The following PDZRN4 variants were observed in gnomAD, a reference collection of about 807,000 sequenced individuals.
PDZRN4 encodes PDZ domain-containing RING finger protein 4.
Under a neutral mutation model 99.0 loss-of-function variants are expected in PDZRN4, and 70 were observed. The ratio of observed to expected loss-of-function variants is 0.71; its 90% CI spans 0.58 to 0.86. The LOEUF is 0.86. Ranked by LOEUF, PDZRN4 falls within the 40% of genes least tolerant of loss-of-function variation. The pLI, the probability that PDZRN4 is intolerant of heterozygous loss-of-function variation, is 0.00. For synonymous variants in PDZRN4, 551 were observed against 501.6 expected (o/e 1.10, Z -1.32); for missense variants, 1,474 against 1,331.2 (o/e 1.11, Z -1.67).
At chr12:41,449,569 C>A (rs1952758210) in intron 3 of PDZRN4, among the ~76,000 whole-genome samples, 1 of 152,100 alleles carries the variant, frequency 6.6e-6, no homozygotes, top group Non-Finnish European at 1.5e-5. Context: ...ACGCAAATAA[C>A]TATGATGCAA....
At chr12:41,493,200 T>C (rs1937923478) in intron 3 of PDZRN4, among the ~76,000 whole-genome samples, 1 of 152,218 alleles carries the variant, frequency 6.6e-6, no homozygotes, top group African/African-American at 2.4e-5. Flanking sequence ...GTATGCCATG[T>C]AATTAATCTT....
At chr12:41,499,056 T>C (rs927567687) in intron 3 of PDZRN4, among the ~76,000 whole-genome samples, 2 of 151,886 alleles carry the variant, frequency 1.3e-5, no homozygotes, top group Non-Finnish European at 2.9e-5. Flanking sequence ...ATAAAGAACC[T>C]AGGGAATAGC....
intron 5 of PDZRN4, among the ~76,000 whole-genome samples, chr12:41,540,301 CA>C (rs1334588125): frequency 6.6e-6 from 1 of 152,156 alleles, no homozygotes; most frequent in African/African-American, 2.4e-5. Flanking sequence ...CACTGACCAT[CA>C]GAACCTAGAA....
chr12:41,509,088 A>C (rs1414869984), intron 4 of PDZRN4, among the ~76,000 whole-genome samples: 1 of 152,308 alleles, frequency 6.6e-6, no homozygotes, highest in East Asian at 1.9e-4. Flanking sequence ...ATTTCCTAAA[A>C]GTTGAAATAC....
intron 3 of PDZRN4, among the ~76,000 whole-genome samples, chr12:41,449,226 C>CT (rs984850051): frequency 1.3e-5 from 2 of 152,068 alleles, no homozygotes; most frequent in Admixed American, 1.3e-4. Context: ...TCCTAGAGTC[C>CT]TTTGACTTGA....
intron 3 of PDZRN4, among the ~76,000 whole-genome samples, chr12:41,477,407 T>C (rs1937613232): frequency 6.6e-6 from 1 of 152,222 alleles, no homozygotes; most frequent in African/African-American, 2.4e-5. Flanking sequence ...TGTTTCATTA[T>C]GGTCATTAGT....
At chr12:41,360,233 T>C (rs957461857) in intron 3 of PDZRN4, among the ~76,000 whole-genome samples, 7 of 152,170 alleles carry the variant, frequency 4.6e-5, no homozygotes, top group Admixed American at 2.0e-4. Context: ...GAACATACTG[T>C]AATCTTCTAA....
chr12:41,420,703 C>G (rs7298808), intron 3 of PDZRN4, among the ~76,000 whole-genome samples: 1 of 151,914 alleles, frequency 6.6e-6, no homozygotes, highest in African/African-American at 2.4e-5. Flanking sequence ...CATCTTTTGA[C>G]TTATTTTAAA....
In PDZRN4 at chr12:41,291,907, T is replaced by A. The variant is rs146741006; in HGVS notation, c.843+97719T>A. 3.6e-3 allele frequency among the ~76,000 whole-genome samples: 551 copies of A among 151,774 alleles called. 4 individuals are homozygous for A. The highest frequency in any genetic ancestry group is 6.8e-3 in the Middle Eastern group (2 of 292). On this transcript the variant is annotated intron_variant, in intron 3 of 9. Coordinates refer to ENST00000402685, the MANE Select transcript of PDZRN4 (RefSeq NM_001164595.2). Reference sequence around the variant, plus strand: ...ACATGAGATGCAACCTTACTAGGAGTCTCAGCACAGGAACCCTGAGTACCA... The same window carrying A: ...ACATGAGATGCAACCTTACTAGGAGACTCAGCACAGGAACCCTGAGTACCA...
intron 3 of PDZRN4, chr12:41,438,147 G>C (rs1275126049): frequency 1.0e-5 from 11 of 1,098,330 alleles, no homozygotes; most frequent in Non-Finnish European, 1.3e-5. Flanking sequence ...GCTGGTTTGG[G>C]GCTTTTAATT....
chr12:41,489,239 T>C (rs1210197912), intron 3 of PDZRN4, among the ~76,000 whole-genome samples: 2 of 152,018 alleles, frequency 1.3e-5, no homozygotes, highest in South Asian at 4.2e-4. Context: ...TCTGGAGACA[T>C]TTTTGGAGAT....
intron 3 of PDZRN4, among the ~76,000 whole-genome samples, chr12:41,262,760 A>G (rs189626109): frequency 1.3e-3 from 195 of 152,306 alleles, no homozygotes; most frequent in Middle Eastern, 3.4e-3. Context: ...GATATGCTAG[A>G]TAATTTTAAT....
chr12:41,563,524 G>A (rs751335836), intron 7 of PDZRN4, 24 bp from the exon 8 acceptor site: 3 of 1,515,544 alleles, frequency 2.0e-6, no homozygotes, highest in South Asian at 1.1e-5. Context: ...GGAAACTAAT[G>A]TGCCACTCTC....
chr12:41,514,196 T>A (rs935621803), intron 5 of PDZRN4, among the ~76,000 whole-genome samples: 1 of 151,986 alleles, frequency 6.6e-6, no homozygotes, highest in Non-Finnish European at 1.5e-5. Flanking sequence ...CTTGGACCAG[T>A]GTCTATAAAT....
At chr12:41,240,633 T>C (rs1951095894) in intron 3 of PDZRN4, among the ~76,000 whole-genome samples, 1 of 152,188 alleles carries the variant, frequency 6.6e-6, no homozygotes, top group African/African-American at 2.4e-5. Context: ...GAAATTTATT[T>C]CTCACAGTTC....
chr12:41,250,488 A>G (rs1041244344), intron 3 of PDZRN4, among the ~76,000 whole-genome samples: 4 of 152,238 alleles, frequency 2.6e-5, no homozygotes, highest in African/African-American at 9.6e-5. Context: ...ATCAAGTTCA[A>G]GATACTTTTG....
intron 6 of PDZRN4, among the ~76,000 whole-genome samples, chr12:41,553,171 C>G (rs1424722260): frequency 1.3e-5 from 2 of 152,186 alleles, no homozygotes; most frequent in East Asian, 3.9e-4. Context: ...ATCTTTTACT[C>G]TGCTGATGGC....
At chr12:41,385,031 G>A (rs1391604401) in intron 3 of PDZRN4, among the ~76,000 whole-genome samples, 6 of 152,112 alleles carry the variant, frequency 3.9e-5, no homozygotes, top group African/African-American at 1.2e-4. Flanking sequence ...TAACCACTTA[G>A]CACCTACTTG....
At chr12:41,333,146 A>C (rs1446452110) in intron 3 of PDZRN4, among the ~76,000 whole-genome samples, 1 of 152,078 alleles carries the variant, frequency 6.6e-6, no homozygotes, top group East Asian at 1.9e-4. Flanking sequence ...GAGAAAATCA[A>C]TAACTCTGTA....
Sources: allele counts gnomAD v4.1 joint callset (sites outside exome capture counted in the v4.1 genomes callset), GRCh38; gene constraint gnomAD v4.1.1; transcripts MANE v1.5; gene names NCBI Gene and HGNC (gene_info 2026-07-23, HGNC 2026-07-21).